PLVAP: variants seen among roughly 807,000 people sequenced by gnomAD.
PLVAP encodes the protein plasmalemma vesicle associated protein.
PLVAP carries 34 observed loss-of-function variants against 43.1 expected under a neutral mutation model. That is an observed-to-expected ratio of 0.79 (90% CI 0.60 to 1.05). The LOEUF (loss-of-function observed/expected upper bound fraction) is 1.05, where lower values mean the gene tolerates loss of function less well. Ranked by LOEUF, PLVAP falls within the 50% of genes least tolerant of loss-of-function variation. The pLI, the probability that PLVAP is intolerant of heterozygous loss-of-function variation, is 0.00. For missense variants in PLVAP, 574 were observed against 593.4 expected, an observed-to-expected ratio of 0.97 and a Z score of 0.34; for synonymous variants, 241 against 237.3, an observed-to-expected ratio of 1.02 and a Z score of -0.14.
intron 5 of PLVAP, among the ~76,000 whole-genome samples, chr19:17,353,873 G>A (rs575062723): frequency 1.3e-5 from 2 of 152,282 alleles, no homozygotes; most frequent in South Asian, 2.1e-4. Context: ...CACCATGCCC[G>A]GTTACCAGCA....
chr19:17,357,757 G>A (rs533783912), intron 5 of PLVAP, among the ~76,000 whole-genome samples: 2 of 152,298 alleles, frequency 1.3e-5, no homozygotes, highest in East Asian at 1.9e-4. Context: ...ACTTGCCCCC[G>A]GCCTCTCTCA....
chr19:17,376,944 G>A lies in PLVAP; in HGVS notation c.345C>T (p.Ser115=), dbSNP rs754549627. The A allele has an allele frequency of 1.2e-6, 2 of 1,613,950 alleles. No homozygotes were observed. The highest frequency in any genetic ancestry group is 8.5e-7 in the Non-Finnish European group (1 of 1,179,970). Residue 115 remains serine, a synonymous_variant, in exon 1 of 6, where the codon AGC becomes AGT. Coordinates refer to ENST00000252590, the MANE Select transcript of PLVAP (RefSeq NM_031310.3). ...ARRDLDRINA[S]FRQCQGDRVI... ...CCCGGTCACCCTGGCACTGGCGGAAGCTGGCATTGATGCGGTCCAGGTCGC... is the reference window on the plus strand; with the variant it reads ...CCCGGTCACCCTGGCACTGGCGGAAACTGGCATTGATGCGGTCCAGGTCGC...
At chr19:17,371,779 G>A (rs1214517728) in intron 1 of PLVAP, among the ~76,000 whole-genome samples, 1 of 152,154 alleles carries the variant, frequency 6.6e-6, no homozygotes, top group East Asian at 1.9e-4. Flanking sequence ...CACCACGCCT[G>A]GCCAGCAAAG....
At chr19:17,370,865 G>C (rs988721522) in intron 1 of PLVAP, among the ~76,000 whole-genome samples, 16 of 151,996 alleles carry the variant, frequency 1.1e-4, no homozygotes, top group Non-Finnish European at 1.9e-4. Context: ...GACCATCCTG[G>C]CTAACACGGT....
intron 5 of PLVAP, among the ~76,000 whole-genome samples, chr19:17,358,975 T>C (rs960553894): frequency 5.9e-5 from 9 of 151,700 alleles, no homozygotes; most frequent in African/African-American, 2.2e-4. Flanking sequence ...AATTTTTGTA[T>C]TTTTTGTACA....
intron 3 of PLVAP, among the ~76,000 whole-genome samples, chr19:17,361,438 T>C (rs28400331): frequency 0.072 from 10,888 of 152,042 alleles, 448 homozygotes; most frequent in African/African-American, 0.11. Flanking sequence ...CCTGTCTCCA[T>C]CACAGCCTCA....
At chr19:17,373,967 G>C (rs2145727687) in intron 1 of PLVAP, among the ~76,000 whole-genome samples, 1 of 152,190 alleles carries the variant, frequency 6.6e-6, no homozygotes, top group East Asian at 1.9e-4. Context: ...TTTGAGACCA[G>C]CCTGGCCAAC....
At chr19:17,376,786 A>C in intron 1 of PLVAP, 134 bp downstream of exon 1, 1 of 937,228 alleles carries the variant, frequency 1.1e-6, no homozygotes, top group Non-Finnish European at 1.6e-6. Context: ...AGACGGAGCG[A>C]GACTCTGTCT....
chr19:17,354,883 G>A (rs1208525728), intron 5 of PLVAP, among the ~76,000 whole-genome samples: 1 of 137,996 alleles, frequency 7.2e-6, no homozygotes, highest in African/African-American at 2.7e-5. Context: ...GGGTGACAGA[G>A]CAAGACTCCG....
intron 5 of PLVAP, among the ~76,000 whole-genome samples, chr19:17,354,703 C>G (rs1345780872): frequency 6.6e-6 from 1 of 151,088 alleles, no homozygotes; most frequent in African/African-American, 2.4e-5. Flanking sequence ...TCGAGACCAT[C>G]CTGGCTAACA....
intron 5 of PLVAP, among the ~76,000 whole-genome samples, chr19:17,357,655 C>A (rs2074511771): frequency 6.6e-6 from 1 of 152,024 alleles, no homozygotes; most frequent in Non-Finnish European, 1.5e-5. Context: ...CAGAGCAAGA[C>A]CCTGTCTCGA....
At position 17,360,554 on chromosome 19, in the gene PLVAP, A is replaced by C. The variant is rs117401486; in HGVS notation, c.1296T>G (p.Pro432=). Residue 432 remains proline, a synonymous_variant, in exon 5 of 6, where the codon CCT becomes CCG. Coordinates refer to ENST00000252590, the MANE Select transcript of PLVAP (RefSeq NM_031310.3). ...TGGATGGGGCTACAGGGATGCCTGC[A>C]GGGGGCCTCTGGGACTCCAGGATCT... is the stretch of plus-strand genomic sequence containing the variant. ...KRKILESQRP[P]AGIPVAPSSG is the part of the protein sequence containing the mutation. The C allele has an allele frequency of 3.1e-6, 5 of 1,614,052 alleles. No individual in the cohort carries two copies. The highest frequency in any genetic ancestry group is 4.2e-6 in the Non-Finnish European group (5 of 1,179,960).
intron 5 of PLVAP, among the ~76,000 whole-genome samples, chr19:17,354,014 G>A (rs553062302): frequency 6.6e-6 from 1 of 152,212 alleles, no homozygotes; most frequent in Non-Finnish European, 1.5e-5. Flanking sequence ...ATACGGCCGG[G>A]CGCGGTGGCT....
Position 17,377,149 on chromosome 19 carries a change from A to G in PLVAP, c.140T>C (p.Met47Thr), listed in dbSNP as rs768880782. ...FLIILGLVLF[M>T]VYGNVHVSTE... ...GCTCACGTGCACGTTGCCATAGACCATGAAGAGCACGAGCCCCAGGATGAT... is the reference window on the plus strand; with the variant it reads ...GCTCACGTGCACGTTGCCATAGACCGTGAAGAGCACGAGCCCCAGGATGAT... Residue 47 changes from methionine to threonine, a missense_variant, in exon 1 of 6, where the codon ATG (methionine) becomes ACG (threonine). Met to Thr is a moderately conservative substitution (Grantham distance 81). Transcript: ENST00000252590. 5.6e-6 allele frequency: 9 copies of G among 1,613,972 alleles called. No individual in the cohort carries two copies. The highest frequency in any genetic ancestry group is 1.7e-5 in the Admixed American group (1 of 59,990).
chr19:17,365,998 G>A lies in PLVAP; in HGVS notation c.467C>T (p.Ala156Val). Reference sequence around the variant, plus strand: ...CTTCTGATTCAGCATGAAGAGCAAGGCTAAGGAAAACAGGACCAGGAGACC... The same window carrying A: ...CTTCTGATTCAGCATGAAGAGCAAGACTAAGGAAAACAGGACCAGGAGACC... ...QFKDMNKSCD[A>V]LLFMLNQKVK... The change falls in exon 3 of 6, where the codon GCC becomes GTC. Residue 156 changes from alanine (A) to valine (V), a missense_variant and splice_region_variant. Transcript: ENST00000252590. The A allele has an allele frequency of 6.2e-7, 1 of 1,612,496 alleles. No homozygotes were observed. Among genetic ancestry groups the A allele is most frequent in the Non-Finnish European group, 8.5e-7 (1 of 1,178,738 alleles).
intron 3 of PLVAP, among the ~76,000 whole-genome samples, chr19:17,361,330 G>A (rs1453835010): frequency 6.6e-6 from 1 of 152,110 alleles, no homozygotes; most frequent in African/African-American, 2.4e-5. Flanking sequence ...TCACCTGCAC[G>A]CACCACAAGA....
At chr19:17,357,608 G>C (rs2074511582) in intron 5 of PLVAP, among the ~76,000 whole-genome samples, 1 of 152,132 alleles carries the variant, frequency 6.6e-6, no homozygotes, top group Non-Finnish European at 1.5e-5. Flanking sequence ...AGGCTGCAGT[G>C]AGCTATGATC....
In PLVAP at chr19:17,377,268, G is replaced by A. The variant is rs148961335; in HGVS notation, c.21C>T (p.His7=). The change falls in exon 1 of 6, where the codon CAC becomes CAT. Residue 7 remains histidine, a synonymous_variant. Transcript: ENST00000252590. MGLAME[H]GGSYARAGGS... Reference sequence around the variant, plus strand: ...CCCCCGCCCGAGCGTAGGACCCTCCGTGCTCCATGGCCAGACCCATTTGCT... The same window carrying A: ...CCCCCGCCCGAGCGTAGGACCCTCCATGCTCCATGGCCAGACCCATTTGCT... 883 of 1,612,470 alleles carry A rather than the reference G, an allele frequency of 5.5e-4. 4 individuals carry two copies. Among genetic ancestry groups the A allele is most frequent in the South Asian group, 4.9e-3 (441 of 90,826 alleles).
At chr19:17,363,847 A>AT (rs567757914) in intron 3 of PLVAP, among the ~76,000 whole-genome samples, 187 of 144,724 alleles carry the variant, frequency 1.3e-3, no homozygotes, top group African/African-American at 4.7e-3. Flanking sequence ...GGTTCACGCC[A>AT]TTCTCCCGCC....
Sources: allele counts gnomAD v4.1 joint callset (sites outside exome capture counted in the v4.1 genomes callset), GRCh38; gene constraint gnomAD v4.1.1; transcripts MANE v1.5; gene names NCBI Gene and HGNC (gene_info 2026-07-23, HGNC 2026-07-21).